Variants in MTF2 observed in about 807,000 individuals in gnomAD.
MTF2 encodes metal response element binding transcription factor 2.
In MTF2, 11 loss-of-function variants were observed where a neutral mutation model predicts 79.5. The ratio of observed to expected loss-of-function variants is 0.14; its 90% CI spans 0.09 to 0.23. The LOEUF is 0.23. Among genes scored for constraint, MTF2 ranks in the 10% least tolerant of loss-of-function variants. The pLI, the probability that MTF2 is intolerant of heterozygous loss-of-function variation, is 1.00. For synonymous variants in MTF2, 208 were observed against 232.8 expected, an observed-to-expected ratio of 0.89 and a Z score of 0.97; for missense variants, 486 against 711.2, an observed-to-expected ratio of 0.68 and a Z score of 3.60.
chr1:93,113,116 A>G (rs939867414), intron 3 of MTF2, among the ~76,000 whole-genome samples: 1 of 151,500 alleles, frequency 6.6e-6, no homozygotes, highest in Non-Finnish European at 1.5e-5. Flanking sequence ...GCAGTGCCTT[A>G]TGTCTGCAAT....
intron 6 of MTF2, among the ~76,000 whole-genome samples, chr1:93,116,083 C>T (rs1656237140): frequency 6.6e-6 from 1 of 152,242 alleles, no homozygotes; most frequent in African/African-American, 2.4e-5. Flanking sequence ...TCATTTCTTT[C>T]TTAAAGTGAT....
intron 6 of MTF2, 114 bp from the exon 7 acceptor site, chr1:93,118,231 T>A (rs1175139554): frequency 1.5e-5 from 8 of 535,350 alleles, no homozygotes; most frequent in Non-Finnish European, 2.5e-5. Flanking sequence ...ATGTGATGCT[T>A]TAATTAGAAC....
chr1:93,120,487 C>T (rs1255109171), intron 8 of MTF2, 62 bp from the exon 9 acceptor site: 38 of 1,438,454 alleles, frequency 2.6e-5, no homozygotes, highest in South Asian at 6.9e-5. Context: ...ATAAGGAAAC[C>T]GTGATTTTTT....
intron 9 of MTF2, among the ~76,000 whole-genome samples, chr1:93,123,262 C>CTT (rs1320415321): frequency 1.6e-4 from 11 of 69,034 alleles, no homozygotes; most frequent in African/African-American, 4.9e-4. Context: ...CTCTCTCTCT[C>CTT]TTTTTTTTTT....
chr1:93,113,645 A>C (rs1357102154), intron 3 of MTF2, among the ~76,000 whole-genome samples: 2 of 152,172 alleles, frequency 1.3e-5, no homozygotes, highest in Non-Finnish European at 2.9e-5. Context: ...AATGCTTTTG[A>C]TAGAAGAAAT....
At chr1:93,096,909 C>G (rs1447297720) in intron 1 of MTF2, among the ~76,000 whole-genome samples, 1 of 149,198 alleles carries the variant, frequency 6.7e-6, no homozygotes, top group African/African-American at 2.5e-5. Flanking sequence ...CTCCTGGGCT[C>G]AACTGATCCT....
rs1647446778 is a variant in MTF2 at position 93,137,413 on chromosome 1, T to A, written c.*386T>A. On this transcript the variant is annotated 3_prime_UTR_variant, in exon 15 of 15. Transcript: ENST00000370298. ...ATAGCACAAGTATTTGGAGAAACGT[T>A]GTTTGTTTTGTTACCAAAATGTTGG... 6.2e-6 allele frequency: 1 copy of A among 160,514 alleles called. No homozygotes were observed. The highest frequency in any genetic ancestry group is 6.1e-5 in the Admixed American group (1 of 16,436). 9.9% of individuals were successfully genotyped at this position (160,514 alleles called of 1,614,324 possible).
chr1:93,088,635 G>A (rs188474795), intron 1 of MTF2, among the ~76,000 whole-genome samples: 4 of 152,088 alleles, frequency 2.6e-5, no homozygotes, highest in Admixed American at 6.6e-5. Flanking sequence ...GTGCGATCTC[G>A]GCTCACTGCA....
At position 93,137,936 on chromosome 1, in the gene MTF2, A is replaced by G. The variant is rs2101105943; in HGVS notation, c.*909A>G. 1.3e-5 allele frequency: 2 copies of G among 152,348 alleles called. 1 individual carries two copies. The highest frequency in any genetic ancestry group is 6.8e-3 in the Middle Eastern group (2 of 294). The allele number at this position is 152,348 out of a possible 1,614,324, so 9.4% of individuals were successfully genotyped here. A position where few individuals can be genotyped will look rare whatever the true frequency, so the allele number is the denominator to read the frequency against. Reference sequence around the variant, plus strand: ...AACAAATTCAAATAATATGAACATTATCTCCTACTAGAAGTAACGTTTTCA... The same window carrying G: ...AACAAATTCAAATAATATGAACATTGTCTCCTACTAGAAGTAACGTTTTCA... On this transcript the variant is annotated 3_prime_UTR_variant, in exon 15 of 15. Transcript: ENST00000370298.
chr1:93,102,857 C>T (rs984676212), intron 1 of MTF2, among the ~76,000 whole-genome samples: 3 of 151,962 alleles, frequency 2.0e-5, no homozygotes, highest in African/African-American at 7.3e-5. Context: ...ATGGGCCAGG[C>T]ACGGTGGCTC....
At chr1:93,108,959 G>A (rs1007419682) in intron 1 of MTF2, among the ~76,000 whole-genome samples, 1 of 151,998 alleles carries the variant, frequency 6.6e-6, no homozygotes, top group Admixed American at 6.6e-5. Context: ...ATGTCTTCAA[G>A]GTTCATCCGT....
At chr1:93,080,599 A>G (rs1654564497) in intron 1 of MTF2, among the ~76,000 whole-genome samples, 1 of 152,244 alleles carries the variant, frequency 6.6e-6, no homozygotes, top group African/African-American at 2.4e-5. Flanking sequence ...TGAGGTCAGT[A>G]CAGAGCTAGA....
intron 1 of MTF2, among the ~76,000 whole-genome samples, chr1:93,097,095 C>A (rs1479738278): frequency 1.3e-5 from 2 of 152,074 alleles, no homozygotes; most frequent in East Asian, 3.8e-4. Flanking sequence ...CAGGCCTGAG[C>A]CACTGCGCCT....
In MTF2 at chr1:93,101,585, T is replaced by TTTTTG. The variant is rs1557546832; in HGVS notation, c.6-8641_6-8640insGTTTT. On this transcript the variant is annotated intron_variant, in intron 1 of 14. Coordinates refer to ENST00000370298, the MANE Select transcript of MTF2 (RefSeq NM_007358.4). ...TCAGGCTGGTTTTTTTTTTTTTTTT[T>TTTTTG]TTTTTTTTTTTTGAGACAGGGTCTC... Among the ~76,000 whole-genome samples, 35 of 115,670 alleles carry TTTTTG rather than the reference T, an allele frequency of 3.0e-4. 4 individuals carry two copies. The highest frequency in any genetic ancestry group is 1.1e-3 in the African/African-American group (35 of 33,228). The allele number at this position is 115,670 out of a possible 152,430, so 75.9% of individuals were successfully genotyped here.
chr1:93,104,816 T>C (rs1271545430), intron 1 of MTF2, among the ~76,000 whole-genome samples: 1 of 152,150 alleles, frequency 6.6e-6, no homozygotes. Flanking sequence ...CTGCCGTTTA[T>C]GTATCATGCC....
chr1:93,137,105 T>C lies in MTF2; in HGVS notation c.*78T>C. The C allele has an allele frequency of 7.9e-7, 1 of 1,272,074 alleles. No individual in the cohort carries two copies. Among genetic ancestry groups the C allele is most frequent in the Non-Finnish European group, 1.1e-6 (1 of 930,372 alleles). 78.8% of individuals were successfully genotyped at this position (1,272,074 alleles called of 1,614,324 possible). A position where few individuals can be genotyped will look rare whatever the true frequency, so the allele number is the denominator to read the frequency against. ...TCAAAGCCCTAAAGGAGTCTGGCTTTTACTATCTTTCTTAAAAAAAAAAAA... is the reference window on the plus strand; with the variant it reads ...TCAAAGCCCTAAAGGAGTCTGGCTTCTACTATCTTTCTTAAAAAAAAAAAA... On this transcript the variant is annotated 3_prime_UTR_variant, in exon 15 of 15. Transcript: ENST00000370298.
intron 9 of MTF2, chr1:93,121,254 A>C (rs1656464600): frequency 2.1e-6 from 2 of 942,048 alleles, no homozygotes; most frequent in Non-Finnish European, 1.3e-6. Flanking sequence ...ATGAATTTAA[A>C]AGTAATGTGT....
intron 10 of MTF2, among the ~76,000 whole-genome samples, chr1:93,127,559 A>G (rs978110700): frequency 6.6e-6 from 1 of 152,196 alleles, no homozygotes; most frequent in Non-Finnish European, 1.5e-5. Context: ...TTCCATTGAA[A>G]AAGCATATTC....
At chr1:93,118,721 A>G (rs928332888) in intron 7 of MTF2, among the ~76,000 whole-genome samples, 1 of 152,188 alleles carries the variant, frequency 6.6e-6, no homozygotes, top group South Asian at 2.1e-4. Context: ...AGAACCTCAA[A>G]GGGATAGTAT....
Sources: gnomAD v4.1 joint callset for allele counts (sites outside exome capture counted in the v4.1 genomes callset) on GRCh38, gnomAD v4.1.1 for gene constraint, MANE v1.5 for transcripts, NCBI Gene and HGNC (gene_info 2026-07-23, HGNC 2026-07-21) for gene names.